Variants in ARHGAP1 observed in about 807,000 individuals in gnomAD.
The protein encoded by ARHGAP1 is Rho GTPase activating protein 1.
ARHGAP1 carries 23 observed loss-of-function variants against 52.2 expected under a neutral mutation model. The observed-to-expected ratio is 0.44, with a 90% confidence interval of 0.32 to 0.62. The LOEUF (loss-of-function observed/expected upper bound fraction) is 0.62. Ranked by LOEUF, ARHGAP1 falls within the 20% of genes least tolerant of loss-of-function variation. The probability of loss-of-function intolerance (pLI) is 0.05; values close to 1 mark genes in which losing one functional copy is unlikely to be tolerated. For synonymous variants in ARHGAP1, 210 were observed against 228.4 expected (o/e 0.92, Z 0.73); for missense variants, 480 against 560.9 (o/e 0.86, Z 1.46).
intron 1 of ARHGAP1, among the ~76,000 whole-genome samples, chr11:46,698,013 A>G (rs1340491667): frequency 6.6e-6 from 1 of 152,108 alleles, no homozygotes; most frequent in Non-Finnish European, 1.5e-5. Flanking sequence ...CCTTCTCTCT[A>G]CCCTTTCTAT....
At chr11:46,688,724 C>T (rs1438960052) in intron 3 of ARHGAP1, among the ~76,000 whole-genome samples, 1 of 151,806 alleles carries the variant, frequency 6.6e-6, no homozygotes, top group Non-Finnish European at 1.5e-5. Flanking sequence ...CTCCTCCTGC[C>T]TCAGCCTCCC....
At chr11:46,695,608 T>C (rs778102402) in intron 3 of ARHGAP1, 52 bp downstream of exon 3, 7 of 1,525,386 alleles carry the variant, frequency 4.6e-6, no homozygotes, top group Non-Finnish European at 5.3e-6. Context: ...AGGGCTGACT[T>C]CCTGAGGCCA....
chr11:46,698,847 CCA>C (rs2064677078), intron 1 of ARHGAP1, among the ~76,000 whole-genome samples: 1 of 152,138 alleles, frequency 6.6e-6, no homozygotes, highest in Non-Finnish European at 1.5e-5. Context: ...TACCCCCAAC[CCA>C]CAGTTTAACT....
rs1036082776 is a variant in ARHGAP1 at position 46,680,067 on chromosome 11, G to C, written c.898+138C>G. Reference sequence around the variant, plus strand: ...GAGGCAGCAGGCCTGGCAGAAGTAGGACTTATGTGACACCCAGAGCCACGG... The same window carrying C: ...GAGGCAGCAGGCCTGGCAGAAGTAGCACTTATGTGACACCCAGAGCCACGG... On this transcript the variant is annotated intron_variant, in intron 10 of 12. Coordinates refer to ENST00000311956, the MANE Select transcript of ARHGAP1 (RefSeq NM_004308.5). The surrounding 1 kb of genome is among the most constrained non-coding windows in gnomAD (Gnocchi z 5.9). The C allele has an allele frequency of 1.5e-5, 17 of 1,124,764 alleles. No individual in the cohort carries two copies. Among genetic ancestry groups the C allele is most frequent in the Non-Finnish European group, 2.0e-5 (15 of 763,606 alleles). 69.7% of individuals were successfully genotyped at this position (1,124,764 alleles called of 1,614,324 possible). A position where few individuals can be genotyped will look rare whatever the true frequency, so the allele number is the denominator to read the frequency against.
chr11:46,680,921 C>A lies in ARHGAP1; in HGVS notation c.635+90G>T. ...TGGGAGAGGTCGGGACACGGGCTTG[C>A]TCTGCCTAAGCCCCACGCGGTCTCT... On this transcript the variant is annotated intron_variant, in intron 7 of 12. Transcript: ENST00000311956. The surrounding 1 kb of genome is among the most constrained non-coding windows in gnomAD (Gnocchi z 5.9). The A allele has an allele frequency of 1.6e-6, 2 of 1,275,496 alleles. No individual in the cohort carries two copies. The highest frequency in any genetic ancestry group is 1.2e-5 in the South Asian group (1 of 80,886). 79.0% of individuals were successfully genotyped at this position (1,275,496 alleles called of 1,614,324 possible). A position where few individuals can be genotyped will look rare whatever the true frequency, so the allele number is the denominator to read the frequency against.
At chr11:46,693,407 C>CTTTTTTTTTTTTTTTTTTT (rs11418068) in intron 3 of ARHGAP1, among the ~76,000 whole-genome samples, 1 of 145,618 alleles carries the variant, frequency 6.9e-6, no homozygotes. Context: ...AGACTGTAAT[C>CTTTTTTTTTTTTTTTTTTT]TTTTTTTTTT....
At position 46,678,015 on chromosome 11, in the gene ARHGAP1, G is replaced by T. The variant is rs886499955; in HGVS notation, c.*1022C>A. On this transcript the variant is annotated 3_prime_UTR_variant, in exon 13 of 13. Coordinates refer to ENST00000311956, the MANE Select transcript of ARHGAP1 (RefSeq NM_004308.5). ...GAAATTGCTAGAACCCACCTATCTG[G>T]ACTGACCTATCAGCACAATCTCTGC... 2.4e-6 allele frequency: 1 copy of T among 419,326 alleles called. No homozygotes were observed. The highest frequency in any genetic ancestry group is 4.7e-6 in the Non-Finnish European group (1 of 214,296). 26.0% of individuals were successfully genotyped at this position (419,326 alleles called of 1,614,324 possible).
At chr11:46,688,437 G>A (rs769182869) in intron 3 of ARHGAP1, among the ~76,000 whole-genome samples, 177 bp from the exon 4 acceptor site, 2 of 152,016 alleles carry the variant, frequency 1.3e-5, no homozygotes, top group Non-Finnish European at 2.9e-5. Context: ...CTGAAGACAG[G>A]GACAGCTTGC....
At chr11:46,695,823 C>T in intron 2 of ARHGAP1, 68 bp from the exon 3 acceptor site, 2 of 1,564,120 alleles carry the variant, frequency 1.3e-6, no homozygotes, top group African/African-American at 1.4e-5. Flanking sequence ...CACAGGCATG[C>T]TGTCTGGCCC....
At chr11:46,695,171 G>T (rs552730445) in intron 3 of ARHGAP1, 21 of 341,738 alleles carry the variant, frequency 6.1e-5, no homozygotes, top group African/African-American at 4.3e-4. Context: ...CAGCAGGGCA[G>T]CATATCTGCC....
At chr11:46,688,875 G>A (rs973061862) in intron 3 of ARHGAP1, among the ~76,000 whole-genome samples, 1 of 151,792 alleles carries the variant, frequency 6.6e-6, no homozygotes, top group African/African-American at 2.4e-5. Flanking sequence ...CTGAGGTCAG[G>A]AGTTACGAGA....
intron 3 of ARHGAP1, among the ~76,000 whole-genome samples, chr11:46,694,756 G>C (rs1363727425): frequency 2.0e-5 from 3 of 152,220 alleles, no homozygotes; most frequent in Non-Finnish European, 2.9e-5. Context: ...ACCCAGATCA[G>C]GGCAGGCGCC....
rs1295811633 is a variant in ARHGAP1, at chr11:46,680,571, A to G, written c.744-8T>C. ...GGATTCTTCTCCTGGAGGCTGCGGG[A>G]AAAAGGCTGGTGAGCCGGGCCTGCA... On this transcript the variant is annotated splice_region_variant and splice_polypyrimidine_tract_variant and intron_variant, in intron 8 of 12. Transcript: ENST00000311956. The surrounding 1 kb of genome is among the most constrained non-coding windows in gnomAD (Gnocchi z 5.9). 8 of 1,613,698 alleles carry G rather than the reference A, an allele frequency of 5.0e-6. No homozygotes were observed. The highest frequency in any genetic ancestry group is 1.3e-5 in the African/African-American group (1 of 74,890).
intron 4 of ARHGAP1, among the ~76,000 whole-genome samples, chr11:46,682,994 T>G (rs1485551103): frequency 6.6e-6 from 1 of 151,952 alleles, no homozygotes; most frequent in Non-Finnish European, 1.5e-5. Flanking sequence ...GTCACACAGC[T>G]TGTGGTAGAT....
At position 46,679,279 on chromosome 11, in the gene ARHGAP1, C is replaced by A. The variant is rs2134475573; in HGVS notation, c.1132-54G>T. On this transcript the variant is annotated intron_variant, in intron 12 of 12. Transcript: ENST00000311956. The surrounding 1 kb of genome is among the most constrained non-coding windows in gnomAD (Gnocchi z 4.4). Reference sequence around the variant, plus strand: ...GAAGCCACAGATGCTGCCTCCCACTCCCAGCAACAATGACCAGGGCGCAGA... The same window carrying A: ...GAAGCCACAGATGCTGCCTCCCACTACCAGCAACAATGACCAGGGCGCAGA... 1 of 1,595,224 alleles carries A rather than the reference C, an allele frequency of 6.3e-7. No individual in the cohort carries two copies. Among genetic ancestry groups the A allele is most frequent in the Non-Finnish European group, 8.6e-7 (1 of 1,167,622 alleles).
Position 46,678,653 on chromosome 11 carries a change from G to C in ARHGAP1, c.*384C>G, listed in dbSNP as rs74486166. On this transcript the variant is annotated 3_prime_UTR_variant, in exon 13 of 13. Transcript: ENST00000311956. ...AGCTGCTCATTCCCAGCAATCAAGA[G>C]GGGAGGACTGGCCCCTGCTACCAGC... 0.076 allele frequency: 16,504 copies of C among 218,222 alleles called. 873 individuals carry two copies. The highest frequency in any genetic ancestry group is 0.11 in the Non-Finnish European group (11,874 of 108,000). The allele number at this position is 218,222 out of a possible 1,614,324, so 13.5% of individuals were successfully genotyped here. A position where few individuals can be genotyped will look rare whatever the true frequency, so the allele number is the denominator to read the frequency against.
rs1482061144 is a variant in ARHGAP1 at position 46,679,333 on chromosome 11, C to G, written c.1131+32G>C. 1 of 1,611,920 alleles carries G rather than the reference C, an allele frequency of 6.2e-7. No homozygotes were observed. The highest frequency in any genetic ancestry group is 1.1e-5 in the South Asian group (1 of 90,994). Reference sequence around the variant, plus strand: ...GGCGGCAGCTCCTCCTTCCCCCTCCCTTCACCCCAGAGGCCAAGTCCAAGG... The same window carrying G: ...GGCGGCAGCTCCTCCTTCCCCCTCCGTTCACCCCAGAGGCCAAGTCCAAGG... On this transcript the variant is annotated intron_variant, in intron 12 of 12. Coordinates refer to ENST00000311956, the MANE Select transcript of ARHGAP1 (RefSeq NM_004308.5). The surrounding 1 kb of genome is among the most constrained non-coding windows in gnomAD (Gnocchi z 4.4).
intron 2 of ARHGAP1, 72 bp from the exon 3 acceptor site, chr11:46,695,827 C>G: frequency 6.4e-7 from 1 of 1,569,728 alleles, no homozygotes; most frequent in Non-Finnish European, 8.7e-7. Context: ...GGCATGCTGT[C>G]TGGCCCTTCC....
chr11:46,679,786 G>A lies in ARHGAP1; in HGVS notation c.899-10C>T, dbSNP rs765692460. 7 of 1,612,996 alleles carry A rather than the reference G, an allele frequency of 4.3e-6. No individual in the cohort carries two copies. Among genetic ancestry groups the A allele is most frequent in the Non-Finnish European group, 5.9e-6 (7 of 1,179,824 alleles). Reference sequence around the variant, plus strand: ...AAATCCACAGGCAGCCCTGGGGTGGGGGCAGCGTGAGAGAAGCTCGGCACA... The same window carrying A: ...AAATCCACAGGCAGCCCTGGGGTGGAGGCAGCGTGAGAGAAGCTCGGCACA... On this transcript the variant is annotated splice_polypyrimidine_tract_variant and intron_variant, in intron 10 of 12. Transcript: ENST00000311956. The surrounding 1 kb of genome is among the most constrained non-coding windows in gnomAD (Gnocchi z 4.4).
Sources: gnomAD v4.1 joint callset for allele counts (sites outside exome capture counted in the v4.1 genomes callset) on GRCh38, gnomAD v4.1.1 for gene constraint, Gnocchi (gnomAD v3.1) non-coding constraint, MANE v1.5 for transcripts, NCBI Gene and HGNC (gene_info 2026-07-23, HGNC 2026-07-21) for gene names.